The following TLE6 variants were observed in gnomAD, a reference collection of about 807,000 sequenced individuals.
The protein encoded by TLE6 is transducin-like enhancer protein 6.
Under a neutral mutation model 77.1 loss-of-function variants are expected in TLE6, and 72 were observed. The ratio of observed to expected loss-of-function variants is 0.93; its 90% CI spans 0.77 to 1.14. The LOEUF is 1.14. Ranked by LOEUF, TLE6 falls within the 50% of genes most tolerant of loss-of-function variation. The probability of loss-of-function intolerance (pLI) is 0.00; values close to 1 mark genes in which losing one functional copy is unlikely to be tolerated. For missense variants in TLE6, 843 were observed against 747.6 expected (o/e 1.13, Z -1.49); for synonymous variants, 366 against 287.3 (o/e 1.27, Z -2.77).
intron 8 of TLE6, 96 bp from the exon 9 acceptor site, chr19:2,987,628 C>A: frequency 7.1e-7 from 1 of 1,404,422 alleles, no homozygotes; most frequent in Non-Finnish European, 1.0e-6. Context: ...GGACCCCAGG[C>A]AGCTGACAAG....
intron 1 of TLE6, 91 bp from the exon 2 acceptor site, chr19:2,978,106 TG>T: frequency 1.1e-6 from 1 of 910,964 alleles, no homozygotes; most frequent in Non-Finnish European, 1.7e-6. Context: ...CTTACCAAAC[TG>T]GGAGGTGCGG....
intron 13 of TLE6, 32 bp from the exon 14 acceptor site, chr19:2,991,811 C>G: frequency 6.2e-7 from 1 of 1,611,222 alleles, no homozygotes. Context: ...AGAGTCTTGA[C>G]CTGATTGCCT....
In TLE6 at chr19:2,978,763, T is replaced by G. The variant is rs528424256; in HGVS notation, c.51+479T>G. Among the ~76,000 whole-genome samples the G allele has an allele frequency of 2.6e-4, 40 of 152,078 alleles. 1 individual carries two copies. Among genetic ancestry groups the G allele is most frequent in the African/African-American group, 9.2e-4 (38 of 41,492 alleles). The stretch of plus-strand genomic sequence containing the variant: ...CAGTGAGATCCCATCTAAAAAAAAA[T>G]GTAGCATCTAATCACATATGTGATA... On this transcript the variant is annotated intron_variant, in intron 2 of 16. Transcript: ENST00000246112.
rs11880355 is a variant in TLE6, at chr19:2,983,628, G to A, written c.222+1439G>A. On this transcript the variant is annotated intron_variant, in intron 5 of 16. Coordinates refer to ENST00000246112, the MANE Select transcript of TLE6 (RefSeq NM_001143986.2). ...GCTGGAGCAGAGTGAGAGGAGGAGG[G>A]GGGGAGGGCAGGCCACGCATGGCCC... is the stretch of plus-strand genomic sequence containing the variant. 5.4e-3 allele frequency among the ~76,000 whole-genome samples: 388 copies of A among 71,728 alleles called. 5 individuals are homozygous for A. Among genetic ancestry groups the A allele is most frequent in the African/African-American group, 7.6e-3 (64 of 8,414 alleles). The allele number at this position is 71,728 out of a possible 152,430, so 47.1% of individuals were successfully genotyped here.
intron 8 of TLE6, 114 bp downstream of exon 8, chr19:2,987,486 C>T (rs1239863902): frequency 9.5e-6 from 14 of 1,480,100 alleles, no homozygotes; most frequent in South Asian, 5.7e-5. Context: ...TCCATCCTGC[C>T]CCTCGGGTCC....
chr19:2,987,124 G>A lies in TLE6; in HGVS notation c.427G>A (p.Glu143Lys). 3 of 1,614,118 alleles carry A rather than the reference G, an allele frequency of 1.9e-6. No individual in the cohort carries two copies. The highest frequency in any genetic ancestry group is 2.5e-6 in the Non-Finnish European group (3 of 1,180,032). Residue 143 changes from glutamate (E) to lysine (K), a missense_variant, in exon 7 of 17, where the codon GAG (glutamate) becomes AAG (lysine). Transcript: ENST00000246112. ...GCCTTTGGGGGAGGACAATCAGCCG[G>A]AGACCCAGCTGTTCTGGGACAAGGA... is the stretch of plus-strand genomic sequence containing the variant. ...RRPLGEDNQP[E>K]TQLFWDKEPW...
At chr19:2,993,083 T>C (rs1296691898) in intron 14 of TLE6, among the ~76,000 whole-genome samples, 2 of 142,282 alleles carry the variant, frequency 1.4e-5, no homozygotes, top group African/African-American at 2.6e-5. Flanking sequence ...TGGTGGCGCA[T>C]GCCTGTAGTC....
rs370436904 is a variant in TLE6 at position 2,991,849 on chromosome 19, C to T, written c.1251C>T (p.Leu417=). The change falls in exon 14 of 17, where the codon CTC becomes CTT. Residue 417 remains leucine, a synonymous_variant. Transcript: ENST00000246112. ...CGATGTCCCTTCTGGCCAGGGACCT[C>T]AAGGGTTATCCTGATGGAGTCAAGA... ...DLRDQSVVRD[L]KGYPDGVKSI... is the part of the protein sequence containing the mutation. 7.9e-5 allele frequency: 128 copies of T among 1,613,618 alleles called. No homozygotes were observed. The highest frequency in any genetic ancestry group is 1.6e-4 in the Middle Eastern group (1 of 6,084).
At chr19:2,993,325 A>AG in intron 14 of TLE6, 107 bp from the exon 15 acceptor site, 1 of 1,200,768 alleles carries the variant, frequency 8.3e-7, no homozygotes, top group Non-Finnish European at 1.1e-6. Context: ...ACAGCTAGGA[A>AG]GGGGTCAGTC....
chr19:2,987,316 C>G (rs1324959174), intron 7 of TLE6, 40 bp from the exon 8 acceptor site: 2 of 1,614,080 alleles, frequency 1.2e-6, no homozygotes, highest in South Asian at 1.1e-5. Flanking sequence ...CCCTGCTGTT[C>G]TCTCTGTCCC....
intron 3 of TLE6, 94 bp downstream of exon 3, chr19:2,980,276 C>A: frequency 1.0e-6 from 1 of 1,002,762 alleles, no homozygotes; most frequent in Non-Finnish European, 1.5e-6. Flanking sequence ...CTAGAGGCTG[C>A]TGGCCCAAGA....
Position 2,989,278 on chromosome 19 carries a change from G to A in TLE6, c.958G>A (p.Glu320Lys), listed in dbSNP as rs990937278. The change falls in exon 12 of 17, where the codon GAG becomes AAG. Residue 320 changes from glutamate to lysine, a missense_variant. Transcript: ENST00000246112. ...KVWSLTGQVA[E>K]DRFPESHLPI... ...GTGGAGCCTGACTGGACAGGTGGCT[G>A]AGGACAGGTTCCCTGAGAGCCACCT... The A allele has an allele frequency of 2.5e-6, 4 of 1,613,398 alleles. No homozygotes were observed. Among genetic ancestry groups the A allele is most frequent in the African/African-American group, 1.3e-5 (1 of 74,960 alleles).
At chr19:2,991,141 A>G (rs112428048) in intron 13 of TLE6, among the ~76,000 whole-genome samples, 20,231 of 151,616 alleles carry the variant, frequency 0.13, 1,724 homozygotes, top group Non-Finnish European at 0.2. Context: ...AGGCGGGCAG[A>G]TCACCTGAGG....
At chr19:2,988,296 G>A (rs977370000) in intron 11 of TLE6, among the ~76,000 whole-genome samples, 168 bp downstream of exon 11, 1 of 152,154 alleles carries the variant, frequency 6.6e-6, no homozygotes, top group African/African-American at 2.4e-5. Flanking sequence ...CAGAGGCTGG[G>A]TAGAAAAGTG....
chr19:2,981,705 T>C (rs559007627), intron 4 of TLE6, 122 bp downstream of exon 4: 2 of 1,069,288 alleles, frequency 1.9e-6, no homozygotes, highest in East Asian at 5.2e-5. Context: ...GCACTGTGCC[T>C]CACGCCTGTA....
chr19:2,995,056 TC>T lies in TLE6; in HGVS notation c.*62del, dbSNP rs141348286. Reference sequence around the variant, plus strand: ...CGGCTCCTCTTTTCATCCCCCCCCTTCCCCCCCCCCAACAAGGGGGACATGG... The same window carrying T: ...CGGCTCCTCTTTTCATCCCCCCCCTTCCCCCCCCCAACAAGGGGGACATGG... On this transcript the variant is annotated 3_prime_UTR_variant, in exon 17 of 17. Coordinates refer to ENST00000246112, the MANE Select transcript of TLE6 (RefSeq NM_001143986.2). 0.12 allele frequency: 98,191 copies of T among 811,838 alleles called. 4,816 individuals carry two copies. Among genetic ancestry groups the T allele is most frequent in the African/African-American group, 0.27 (15,487 of 57,326 alleles). 50.3% of individuals were successfully genotyped at this position (811,838 alleles called of 1,614,324 possible).
chr19:2,988,860 A>G (rs1260599525), intron 11 of TLE6: 1 of 717,708 alleles, frequency 1.4e-6, no homozygotes, highest in Non-Finnish European at 2.2e-6. Flanking sequence ...AGAAGGCAGA[A>G]GTATGTGGAG....
intron 8 of TLE6, 124 bp downstream of exon 8, chr19:2,987,496 C>T: frequency 7.1e-7 from 1 of 1,416,762 alleles, no homozygotes; most frequent in South Asian, 1.2e-5. Context: ...CCCTCGGGTC[C>T]CCCGGGGGGG....
chr19:2,982,260 G>C (rs567002559), intron 5 of TLE6, 71 bp downstream of exon 5: 8 of 1,504,830 alleles, frequency 5.3e-6, no homozygotes, highest in Non-Finnish European at 6.3e-6. Context: ...GAGGGGGGCC[G>C]GGCACAGTGG....
Sources: gnomAD v4.1 joint callset for allele counts (sites outside exome capture counted in the v4.1 genomes callset) on GRCh38, gnomAD v4.1.1 for gene constraint, MANE v1.5 for transcripts, NCBI Gene and HGNC (gene_info 2026-07-23, HGNC 2026-07-21) for gene names.